The following SOS1 variants were observed in gnomAD, a reference collection of about 807,000 sequenced individuals.
The protein encoded by SOS1 is SOS Ras/Rac guanine nucleotide exchange factor 1.
In SOS1, 25 loss-of-function variants were observed where a neutral mutation model predicts 157.6. That is an observed-to-expected ratio of 0.16 (90% CI 0.12 to 0.22). The LOEUF is 0.22. SOS1 is among the 10% of genes least tolerant of loss of function. The probability of loss-of-function intolerance (pLI) is 1.00; values close to 1 mark genes in which losing one functional copy is unlikely to be tolerated. For synonymous variants in SOS1, 528 were observed against 534.0 expected, an observed-to-expected ratio of 0.99 and a Z score of 0.16; for missense variants, 1,237 against 1,599.1, an observed-to-expected ratio of 0.77 and a Z score of 3.86.
chr2:39,035,552 A>C (rs772946426), intron 6 of SOS1, 52 bp from the exon 7 acceptor site: 4 of 1,341,896 alleles, frequency 3.0e-6, no homozygotes, highest in Non-Finnish European at 4.3e-6. Flanking sequence ...ACAAACACAG[A>C]AAGATTTAAT....
chr2:39,035,292 T>G lies in SOS1; in HGVS notation c.994A>C (p.Lys332Gln). 1.2e-6 allele frequency: 2 copies of G among 1,613,838 alleles called. No individual in the cohort carries two copies. The highest frequency in any genetic ancestry group is 1.7e-6 in the Non-Finnish European group (2 of 1,179,804). ...LYLQSIGEGF[K>Q]EAVQYVLPRL... The stretch of plus-strand genomic sequence containing the variant: ...GGTAAAACATATTGAACAGCTTCTT[T>G]GAAACCTTCGCCTATTGACTGGAAA... The change falls in exon 8 of 23, where the codon AAA becomes CAA. Residue 332 changes from lysine (K) to glutamine (Q), a missense_variant. By Grantham distance (53) the Lys-to-Gln change is moderately conservative. Coordinates refer to ENST00000402219, the MANE Select transcript of SOS1 (RefSeq NM_005633.4).
chr2:39,101,159 A>C (rs1672952583), intron 1 of SOS1, among the ~76,000 whole-genome samples: 1 of 152,132 alleles, frequency 6.6e-6, no homozygotes, highest in Non-Finnish European at 1.5e-5. Context: ...GGGGGAGCAA[A>C]TGTGTCACAT....
chr2:39,018,037 C>T (rs997978868), intron 10 of SOS1, among the ~76,000 whole-genome samples: 1 of 151,760 alleles, frequency 6.6e-6, no homozygotes, highest in Non-Finnish European at 1.5e-5. Context: ...TTTATACTGC[C>T]GTTGTTAGTT....
chr2:39,010,325 A>G (rs978113328), intron 15 of SOS1, among the ~76,000 whole-genome samples: 3 of 151,736 alleles, frequency 2.0e-5, no homozygotes, highest in African/African-American at 4.8e-5. Context: ...CAAAAAAAAA[A>G]AAAAAGAAAA....
chr2:39,005,928 T>G (rs553160292), intron 17 of SOS1, among the ~76,000 whole-genome samples: 104 of 152,122 alleles, frequency 6.8e-4, no homozygotes, highest in African/African-American at 2.5e-3. Flanking sequence ...GGTGGTAGAT[T>G]CAGTCCTAAA....
intron 10 of SOS1, among the ~76,000 whole-genome samples, chr2:39,021,611 T>C (rs868727770): frequency 1.3e-5 from 2 of 150,828 alleles, no homozygotes; most frequent in Middle Eastern, 3.4e-3. Flanking sequence ...CAAATGAGTC[T>C]AGGAACCCCA....
chr2:38,982,571 A>G lies in SOS1; in HGVS notation c.*3253T>C, dbSNP rs909345231. ...ATATGTTAAAAGAATAAGTAAACCTATTCACAGCAGCAGAATACCAAGAAA... is the reference window on the plus strand; with the variant it reads ...ATATGTTAAAAGAATAAGTAAACCTGTTCACAGCAGCAGAATACCAAGAAA... On this transcript the variant is annotated 3_prime_UTR_variant, in exon 23 of 23. Transcript: ENST00000402219. 28 of 152,196 alleles carry G rather than the reference A, an allele frequency of 1.8e-4. No individual in the cohort carries two copies. The highest frequency in any genetic ancestry group is 5.8e-4 in the African/African-American group (24 of 41,462). The allele number at this position is 152,196 out of a possible 1,614,324, so 9.4% of individuals were successfully genotyped here.
intron 6 of SOS1, among the ~76,000 whole-genome samples, chr2:39,049,190 T>C (rs1670908512): frequency 6.6e-6 from 1 of 152,232 alleles, no homozygotes; most frequent in South Asian, 2.1e-4. Flanking sequence ...AGTGCTGGGA[T>C]TACAGGCGTG....
chr2:39,118,145 C>A (rs1344542235), intron 1 of SOS1, among the ~76,000 whole-genome samples: 1 of 152,136 alleles, frequency 6.6e-6, no homozygotes, highest in African/African-American at 2.4e-5. Flanking sequence ...GGAGTAATAT[C>A]CAACTCAGCC....
At chr2:39,040,054 C>G (rs1385893027) in intron 6 of SOS1, among the ~76,000 whole-genome samples, 2 of 151,984 alleles carry the variant, frequency 1.3e-5, no homozygotes, top group East Asian at 1.9e-4. Context: ...CTCTGTCGCC[C>G]AGGCTGGAGT....
chr2:39,068,690 T>G (rs963614777), intron 1 of SOS1, among the ~76,000 whole-genome samples: 113 of 150,888 alleles, frequency 7.5e-4, no homozygotes, highest in African/African-American at 2.8e-3. Context: ...AACCATTTCT[T>G]TAATTTTTTT....
At chr2:39,111,095 T>C (rs1346131886) in intron 1 of SOS1, among the ~76,000 whole-genome samples, 1 of 152,136 alleles carries the variant, frequency 6.6e-6, no homozygotes, top group African/African-American at 2.4e-5. Flanking sequence ...TATCCAGGTG[T>C]GGTGGCACAT....
In SOS1 at chr2:39,087,329, T is replaced by A. The variant is rs1572882829; in HGVS notation, c.88-19576A>T. 2.0e-5 allele frequency among the ~76,000 whole-genome samples: 3 copies of A among 152,332 alleles called. No individual in the cohort carries two copies. The South Asian group carries it at 6.2e-4, about 32-fold the overall frequency. On this transcript the variant is annotated intron_variant, in intron 1 of 22. Transcript: ENST00000402219. ...TCTTAGTTTCGTAAATATTAACCAC[T>A]GCCAACATGGCAAGAACAGTGGAGC... is the stretch of plus-strand genomic sequence containing the variant.
intron 1 of SOS1, among the ~76,000 whole-genome samples, chr2:39,070,090 C>T (rs72799464): frequency 6.6e-6 from 1 of 152,292 alleles, no homozygotes; most frequent in Non-Finnish European, 1.5e-5. Flanking sequence ...CATACCACCA[C>T]ACTCTGACTA....
At chr2:38,998,844 C>T (rs888190201) in intron 17 of SOS1, among the ~76,000 whole-genome samples, 11 of 152,126 alleles carry the variant, frequency 7.2e-5, no homozygotes, top group African/African-American at 1.9e-4. Context: ...CACATGTGTA[C>T]GGATTCTCTG....
At chr2:38,995,048 A>G in intron 20 of SOS1, 75 bp downstream of exon 20, 3 of 1,274,094 alleles carry the variant, frequency 2.4e-6, no homozygotes. Flanking sequence ...CAAAAAAATA[A>G]CAGAGATTCT....
rs778838515 is a variant in SOS1 at position 38,985,884 on chromosome 2, G to A, written c.3942C>T (p.His1314=). The part of the protein sequence containing the change: ...KLPPKTYKRE[H]THPSMHRDGP... Reference sequence around the variant, plus strand: ...CATCTCTGTGCATGGATGGGTGTGTGTGCTCCCTTTTGTAAGTTTTTGGAG... The same window carrying A: ...CATCTCTGTGCATGGATGGGTGTGTATGCTCCCTTTTGTAAGTTTTTGGAG... Residue 1314 remains histidine, a synonymous_variant, in exon 23 of 23, where the codon CAC becomes CAT. Coordinates refer to ENST00000402219, the MANE Select transcript of SOS1 (RefSeq NM_005633.4). 28 of 1,613,814 alleles carry A rather than the reference G, an allele frequency of 1.7e-5. No homozygotes were observed. Among genetic ancestry groups the A allele is most frequent in the Admixed American group, 5.0e-5 (3 of 59,974 alleles).
At chr2:39,060,639 G>A (rs906521163) in intron 2 of SOS1, among the ~76,000 whole-genome samples, 10 of 152,070 alleles carry the variant, frequency 6.6e-5, no homozygotes, top group Non-Finnish European at 1.5e-4. Flanking sequence ...TGGCCAGGCT[G>A]GTCTTGAACT....
In SOS1 at chr2:38,985,737, T is replaced by TTA; in HGVS notation, c.*86_*87insTA. 2 of 1,476,052 alleles carry TTA rather than the reference T, an allele frequency of 1.4e-6. No homozygotes were observed. Among genetic ancestry groups the TTA allele is most frequent in the Non-Finnish European group, 9.4e-7 (1 of 1,059,308 alleles). 91.4% of individuals were successfully genotyped at this position (1,476,052 alleles called of 1,614,324 possible). ...TCGTTAGTGTTTGGAGTTCTCATTTTAACTCCTCAGTGCTGGCACATTCAG... is the reference window on the plus strand; with the variant it reads ...TCGTTAGTGTTTGGAGTTCTCATTTTTAAACTCCTCAGTGCTGGCACATTCAG... On this transcript the variant is annotated 3_prime_UTR_variant, in exon 23 of 23. Coordinates refer to ENST00000402219, the MANE Select transcript of SOS1 (RefSeq NM_005633.4).
Sources: gnomAD v4.1 joint callset for allele counts (sites outside exome capture counted in the v4.1 genomes callset) on GRCh38, gnomAD v4.1.1 for gene constraint, MANE v1.5 for transcripts, NCBI Gene and HGNC (gene_info 2026-07-23, HGNC 2026-07-21) for gene names.